CALCR: variants seen among roughly 807,000 people sequenced by gnomAD.
CALCR encodes the protein calcitonin receptor.
A neutral mutation model predicts 59.5 loss-of-function variants in CALCR; 47 were observed. The ratio of observed to expected loss-of-function variants is 0.79; its 90% CI spans 0.63 to 1.01. The LOEUF (loss-of-function observed/expected upper bound fraction) is 1.01, where lower values mean the gene tolerates loss of function less well. Among genes scored for constraint, CALCR ranks in the 50% least tolerant of loss-of-function variants. The pLI is 0.00. For synonymous variants in CALCR, 213 were observed against 211.3 expected (o/e 1.01, Z -0.07); for missense variants, 566 against 597.1 (o/e 0.95, Z 0.54).
intron 5 of CALCR, among the ~76,000 whole-genome samples, chr7:93,475,819 C>T (rs1033977903): frequency 1.3e-5 from 2 of 151,762 alleles, no homozygotes; most frequent in Admixed American, 1.3e-4. Flanking sequence ...TCTGGGACTT[C>T]CCTTTAGAAA....
At chr7:93,485,285 G>A (rs1307323800) in intron 3 of CALCR, among the ~76,000 whole-genome samples, 1 of 151,576 alleles carries the variant, frequency 6.6e-6, no homozygotes, top group African/African-American at 2.4e-5. Flanking sequence ...GTGCCCACAA[G>A]CCATAAAATG....
At chr7:93,530,375 C>T (rs1459074708) in intron 2 of CALCR, among the ~76,000 whole-genome samples, 1 of 152,224 alleles carries the variant, frequency 6.6e-6, no homozygotes, top group African/African-American at 2.4e-5. Context: ...TTTTGTTTTA[C>T]GTGCTACAAG....
In CALCR at chr7:93,460,944, G is replaced by A. The variant is rs752258514; in HGVS notation, c.525C>T (p.Ser175=). 6.2e-7 allele frequency: 1 copy of A among 1,607,742 alleles called. No homozygotes were observed. Among genetic ancestry groups the A allele is most frequent in the South Asian group, 1.1e-5 (1 of 89,848 alleles). The change falls in exon 8 of 14, where the codon AGC becomes AGT. Residue 175 remains serine, a synonymous_variant. Coordinates refer to ENST00000426151, the MANE Select transcript of CALCR (RefSeq NM_001742.4). ...ISLGIFVFFR[S]LGCQRVTLHK... Reference sequence around the variant, plus strand: ...GCAGGGTTACCCTTTGGCAGCCAAGGCTCCTGGAAGAAAAAGTAACATAAA... The same window carrying A: ...GCAGGGTTACCCTTTGGCAGCCAAGACTCCTGGAAGAAAAAGTAACATAAA...
At chr7:93,569,359 C>A (rs1297483095) in intron 2 of CALCR, among the ~76,000 whole-genome samples, 1 of 152,144 alleles carries the variant, frequency 6.6e-6, no homozygotes, top group Non-Finnish European at 1.5e-5. Context: ...TGTCCTTTAA[C>A]CCTGCTGGGG....
intron 6 of CALCR, among the ~76,000 whole-genome samples, chr7:93,471,150 G>A (rs1418634725): frequency 2.6e-5 from 4 of 151,712 alleles, no homozygotes; most frequent in Admixed American, 1.3e-4. Flanking sequence ...GCCAGTGTAC[G>A]TGAGAAGTCC....
chr7:93,568,477 G>T (rs182933291), intron 2 of CALCR, among the ~76,000 whole-genome samples: 19 of 144,782 alleles, frequency 1.3e-4, no homozygotes, highest in African/African-American at 4.1e-4. Context: ...ATGAGTGCTC[G>T]CTTTCTCCTC....
intron 2 of CALCR, among the ~76,000 whole-genome samples, chr7:93,509,777 T>C (rs971700948): frequency 6.6e-6 from 1 of 152,126 alleles, no homozygotes; most frequent in Admixed American, 6.6e-5. Context: ...AAATTATATA[T>C]ATGACAATAC....
intron 3 of CALCR, chr7:93,484,074 C>A: frequency 2.1e-6 from 1 of 467,004 alleles, no homozygotes; most frequent in Non-Finnish European, 4.7e-6. Flanking sequence ...TCGACAAATA[C>A]TTTGAGTGCC....
At chr7:93,428,801 A>AT (rs1799587653) in intron 13 of CALCR, among the ~76,000 whole-genome samples, 1 of 152,074 alleles carries the variant, frequency 6.6e-6, no homozygotes, top group Non-Finnish European at 1.5e-5. Context: ...AAAAAAAAAA[A>AT]AAAAGGAAGC....
At chr7:93,508,981 A>G (rs1801486476) in intron 2 of CALCR, among the ~76,000 whole-genome samples, 1 of 152,144 alleles carries the variant, frequency 6.6e-6, no homozygotes, top group Non-Finnish European at 1.5e-5. Flanking sequence ...CACTAAAACT[A>G]AATTACCTAG....
At chr7:93,525,294 T>C (rs1451116019) in intron 2 of CALCR, among the ~76,000 whole-genome samples, 1 of 152,192 alleles carries the variant, frequency 6.6e-6, no homozygotes, top group African/African-American at 2.4e-5. Context: ...CTGCTATACT[T>C]TTTTCCAATT....
rs550122958 is a variant in CALCR, at chr7:93,442,210, C to T, written c.802+1394G>A. Among the ~76,000 whole-genome samples the T allele has an allele frequency of 3.3e-5, 5 of 152,236 alleles. No individual in the cohort carries two copies. In the South Asian group the frequency reaches 1.0e-3, roughly 32 times the overall value. ...TTAGTTGCCTGGCTATATTTCTGCC[C>T]TTAGATTCCATGAGATACGCTAGAT... is the stretch of plus-strand genomic sequence containing the variant. On this transcript the variant is annotated intron_variant, in intron 9 of 13. Coordinates refer to ENST00000426151, the MANE Select transcript of CALCR (RefSeq NM_001742.4).
At chr7:93,568,240 C>A (rs1789911167) in intron 2 of CALCR, among the ~76,000 whole-genome samples, 1 of 152,096 alleles carries the variant, frequency 6.6e-6, no homozygotes, top group African/African-American at 2.4e-5. Flanking sequence ...AAGAAGGAAG[C>A]AGCATGTAAG....
At position 93,474,853 on chromosome 7, in the gene CALCR, A is replaced by G. The variant is rs151230782; in HGVS notation, c.317-2366T>C. Among the ~76,000 whole-genome samples the G allele has an allele frequency of 3.3e-5, 5 of 151,910 alleles. No individual in the cohort carries two copies. The East Asian group carries it at 9.7e-4, about 30-fold the overall frequency. ...AGGCAAAGCATTGTTGTACGTATAG[A>G]TAATGCTTTTATAGATGGCTATGTT... On this transcript the variant is annotated intron_variant, in intron 5 of 13. Transcript: ENST00000426151.
chr7:93,428,763 G>T (rs1393089215), intron 13 of CALCR, among the ~76,000 whole-genome samples: 1 of 150,156 alleles, frequency 6.7e-6, no homozygotes, highest in East Asian at 2.0e-4. Flanking sequence ...CTCCAGTTTG[G>T]GGAACAGAGC....
At chr7:93,463,371 C>T (rs1011093023) in intron 7 of CALCR, among the ~76,000 whole-genome samples, 5 of 151,678 alleles carry the variant, frequency 3.3e-5, no homozygotes, top group Admixed American at 2.0e-4. Context: ...AAACTGCTAG[C>T]CTCCAAAGGA....
At chr7:93,431,702 A>C (rs1364129239) in intron 13 of CALCR, among the ~76,000 whole-genome samples, 2 of 152,222 alleles carry the variant, frequency 1.3e-5, no homozygotes, top group African/African-American at 2.4e-5. Context: ...GATAAGCTAC[A>C]GGAAATAAAC....
At chr7:93,444,379 C>T (rs947419330) in intron 8 of CALCR, among the ~76,000 whole-genome samples, 2 of 152,054 alleles carry the variant, frequency 1.3e-5, no homozygotes, top group African/African-American at 4.8e-5. Flanking sequence ...AGGAGCCACA[C>T]CCTTGGAAGA....
intron 11 of CALCR, 79 bp downstream of exon 11, chr7:93,437,981 T>A (rs1799815875): frequency 1.7e-6 from 2 of 1,163,342 alleles, no homozygotes; most frequent in African/African-American, 3.1e-5. Flanking sequence ...ATAAAACATA[T>A]GATACATAGA....
Sources: allele counts gnomAD v4.1 joint callset (sites outside exome capture counted in the v4.1 genomes callset), GRCh38; gene constraint gnomAD v4.1.1; transcripts MANE v1.5; gene names NCBI Gene and HGNC (gene_info 2026-07-23, HGNC 2026-07-21).